Variants in TENM3 observed in about 807,000 individuals in gnomAD.
TENM3 encodes the protein teneurin-3.
Under a neutral mutation model 255.1 loss-of-function variants are expected in TENM3, and 63 were observed. The observed-to-expected ratio is 0.25, with a 90% confidence interval of 0.20 to 0.30. The LOEUF is 0.30. Ranked by LOEUF, TENM3 falls within the 10% of genes least tolerant of loss-of-function variation. The pLI, the probability that TENM3 is intolerant of heterozygous loss-of-function variation, is 1.00. For missense variants in TENM3, 2,929 were observed against 3,461.1 expected (o/e 0.85, Z 3.86); for synonymous variants, 1,306 against 1,322.3 (o/e 0.99, Z 0.27).
intron 1 of TENM3, among the ~76,000 whole-genome samples, chr4:182,146,657 A>G (rs1322681542): frequency 6.6e-6 from 1 of 152,200 alleles, no homozygotes; most frequent in Admixed American, 6.5e-5. Context: ...AATCAAACAC[A>G]CATTTTACAT....
At chr4:181,947,362 T>G in the TENM3 span, among the ~76,000 whole-genome samples, 1 of 152,242 alleles carries the variant, frequency 6.6e-6, no homozygotes, top group Non-Finnish European at 1.5e-5. Flanking sequence ...TTTATTGTTT[T>G]AATAGACAGG....
rs181891626 is a variant in TENM3, at chr4:182,640,626, A to G, written c.988+11737A>G. Among the ~76,000 whole-genome samples the G allele has an allele frequency of 5.3e-5, 8 of 152,294 alleles. No individual in the cohort carries two copies. The East Asian group carries it at 1.5e-3, about 29-fold the overall frequency. ...AGAGTCACATAAAGAGAAGCATTGC[A>G]TGTTTAAAATAAGAAAGTGGGCCAT... On this transcript the variant is annotated intron_variant, in intron 5 of 27. Coordinates refer to ENST00000511685, the MANE Select transcript of TENM3 (RefSeq NM_001080477.4).
chr4:182,024,507 G>C, the TENM3 span, among the ~76,000 whole-genome samples: 1 of 151,984 alleles, frequency 6.6e-6, no homozygotes, highest in Non-Finnish European at 1.5e-5. Flanking sequence ...TTTATACTCA[G>C]TCTTCTTTCA....
In TENM3 at chr4:182,800,080, G is replaced by A. The variant is rs866281430; in HGVS notation, c.7829G>A (p.Gly2610Asp). ...GCGCTGGCGCTGCACGTGCGCTACG[G>A]CATGACCCTGGACGAGGAGAAGGCG... is the stretch of plus-strand genomic sequence containing the variant. ...FGALALHVRY[G>D]MTLDEEKARI... The change falls in exon 28 of 28, where the codon GGC becomes GAC. Residue 2610 changes from glycine (G) to aspartate (D), a missense_variant. By Grantham distance (94) the Gly-to-Asp change is moderately conservative. Transcript: ENST00000511685. 1 of 1,598,810 alleles carries A rather than the reference G, an allele frequency of 6.3e-7. No homozygotes were observed. The highest frequency in any genetic ancestry group is 8.5e-7 in the Non-Finnish European group (1 of 1,173,074).
the TENM3 span, among the ~76,000 whole-genome samples, chr4:181,617,333 T>C: frequency 1.3e-5 from 2 of 152,192 alleles, no homozygotes. Context: ...AACGTTCAGT[T>C]TCAGTAGGCG....
the TENM3 span, among the ~76,000 whole-genome samples, chr4:181,569,510 G>A: frequency 5.1e-4 from 77 of 152,252 alleles, 2 homozygotes; most frequent in South Asian, 0.016. Flanking sequence ...TCATTTTCCA[G>A]CCTGGGGTTG....
chr4:181,524,338 C>T, the TENM3 span, among the ~76,000 whole-genome samples: 3 of 152,032 alleles, frequency 2.0e-5, no homozygotes, highest in Non-Finnish European at 4.4e-5. Flanking sequence ...ACTTCCATAC[C>T]GGCCAAACCT....
chr4:182,176,900 C>A (rs943069768), intron 1 of TENM3, among the ~76,000 whole-genome samples: 1 of 137,048 alleles, frequency 7.3e-6, no homozygotes, highest in Non-Finnish European at 1.5e-5. Flanking sequence ...GTCTCGAATT[C>A]CTGACCTCAG....
At chr4:181,826,503 T>A in the TENM3 span, among the ~76,000 whole-genome samples, 1 of 152,202 alleles carries the variant, frequency 6.6e-6, no homozygotes, top group Non-Finnish European at 1.5e-5. Flanking sequence ...TCCCATCTCA[T>A]GTCAGTCAAT....
chr4:182,356,283 G>A (rs561869792), intron 3 of TENM3, among the ~76,000 whole-genome samples: 1 of 152,260 alleles, frequency 6.6e-6, no homozygotes. Flanking sequence ...TGAGAGGATG[G>A]CTTGAGCCCA....
At chr4:182,621,353 C>G (rs1354618768) in intron 4 of TENM3, among the ~76,000 whole-genome samples, 2 of 151,668 alleles carry the variant, frequency 1.3e-5, no homozygotes, top group Non-Finnish European at 2.9e-5. Flanking sequence ...ACGTACATCA[C>G]CAAGGCCCCA....
chr4:181,545,559 C>T, the TENM3 span, among the ~76,000 whole-genome samples: 1 of 152,252 alleles, frequency 6.6e-6, no homozygotes, highest in East Asian at 1.9e-4. Flanking sequence ...AAGTGCTCTT[C>T]TGAGGCTTTT....
the TENM3 span, among the ~76,000 whole-genome samples, chr4:181,535,216 T>A: frequency 2.9e-4 from 44 of 152,274 alleles, no homozygotes; most frequent in African/African-American, 1.0e-3. Flanking sequence ...CGCTGAGGCT[T>A]CCCGACCCAC....
rs773017649 is a variant in TENM3, at chr4:182,754,595, G to A, written c.4228G>A (p.Val1410Met). 1 of 1,614,020 alleles carries A rather than the reference G, an allele frequency of 6.2e-7. No homozygotes were observed. The highest frequency in any genetic ancestry group is 2.2e-5 in the East Asian group (1 of 44,882). ...TTLESATAIA[V>M]SYSGVLYITE... Reference sequence around the variant, plus strand: ...ACTGGAATCAGCCACTGCCATTGCTGTGTCCTACAGTGGGGTCCTGTACAT... The same window carrying A: ...ACTGGAATCAGCCACTGCCATTGCTATGTCCTACAGTGGGGTCCTGTACAT... The change falls in exon 22 of 28, where the codon GTG becomes ATG. Residue 1410 changes from valine to methionine, a missense_variant. Physicochemically the swap from Val to Met is conservative, Grantham distance 21 (BLOSUM62 1). Coordinates refer to ENST00000511685, the MANE Select transcript of TENM3 (RefSeq NM_001080477.4). This position sits in a 1 kb window ranked among gnomAD's most constrained non-coding sequence, Gnocchi z 5.1.
At chr4:182,474,647 CTG>C (rs1200223017) in intron 3 of TENM3, among the ~76,000 whole-genome samples, 3 of 152,154 alleles carry the variant, frequency 2.0e-5, no homozygotes, top group Non-Finnish European at 2.9e-5. Context: ...ACCTGTTAAA[CTG>C]TTTTGTTTCT....
At chr4:181,609,556 C>T in the TENM3 span, among the ~76,000 whole-genome samples, 1 of 152,194 alleles carries the variant, frequency 6.6e-6, no homozygotes, top group Non-Finnish European at 1.5e-5. Context: ...TATGTGAACA[C>T]GCTGCATAAG....
At chr4:182,650,892 ATATATATAT>A (rs1561056233) in intron 5 of TENM3, among the ~76,000 whole-genome samples, 1 of 10,808 alleles carries the variant, frequency 9.3e-5, no homozygotes, top group African/African-American at 1.1e-3. Context: ...AAAAAAAAAT[ATATATATAT>A]ATATATATAT....
chr4:181,702,718 A>G, the TENM3 span, among the ~76,000 whole-genome samples: 8 of 152,214 alleles, frequency 5.3e-5, no homozygotes, highest in Admixed American at 5.2e-4. Flanking sequence ...TACCATTAAC[A>G]TAATTAGTCC....
At chr4:181,965,764 G>A in the TENM3 span, among the ~76,000 whole-genome samples, 5 of 152,218 alleles carry the variant, frequency 3.3e-5, no homozygotes, top group East Asian at 9.7e-4. Context: ...CCTTTTTAAT[G>A]CCAGTTATCT....
Sources: allele counts gnomAD v4.1 joint callset (sites outside exome capture counted in the v4.1 genomes callset), GRCh38; gene constraint gnomAD v4.1.1; non-coding constraint Gnocchi (gnomAD v3.1); transcripts MANE v1.5; gene names NCBI Gene and HGNC (gene_info 2026-07-23, HGNC 2026-07-21).